CFAP44: variants seen among roughly 807,000 people sequenced by gnomAD.
CFAP44 encodes the protein cilia and flagella associated protein 44.
Under a neutral mutation model 216.2 loss-of-function variants are expected in CFAP44, and 134 were observed. The observed-to-expected ratio is 0.62, with a 90% CI of 0.54 to 0.72. The LOEUF is 0.72. Ranked by LOEUF, CFAP44 falls within the 30% of genes least tolerant of loss-of-function variation. The probability of loss-of-function intolerance (pLI) is 0.00; values close to 1 mark genes in which losing one functional copy is unlikely to be tolerated. For missense variants in CFAP44, 2,035 were observed against 2,182.1 expected (o/e 0.93, Z 1.34); for synonymous variants, 700 against 727.6 (o/e 0.96, Z 0.61).
Position 113,427,224 on chromosome 3 carries a change from C to G in CFAP44, c.216G>C (p.Leu72Phe), listed in dbSNP as rs760116186. 5.6e-6 allele frequency: 9 copies of G among 1,613,250 alleles called. No homozygotes were observed. In the African/African-American group the frequency reaches 1.1e-4, roughly 19 times the overall value. Residue 72 changes from leucine to phenylalanine, a missense_variant, in exon 3 of 35, where the codon TTG becomes TTC. Leu to Phe is a conservative substitution (Grantham distance 22). Around this residue, in one of 3 missense-constraint regions of CFAP44, gnomAD observed 149 missense variants for 141.8 expected, o/e 1.05. Transcript: ENST00000393845. ...DSDEERLEGS[L>F]SSFQYGDLQS... ...GCAAATCACCATACTGAAATGAACT[C>G]AAACTTCCTTCCAAACGTTCCTCAT...
intron 22 of CFAP44, among the ~76,000 whole-genome samples, chr3:113,349,491 C>T (rs1950421303): frequency 6.6e-6 from 1 of 152,120 alleles, no homozygotes; most frequent in African/African-American, 2.4e-5. Context: ...TTAGAGAGGA[C>T]AGAAAATGGA....
intron 6 of CFAP44, among the ~76,000 whole-genome samples, chr3:113,410,368 A>G (rs1934428540): frequency 6.6e-6 from 1 of 152,158 alleles, no homozygotes; most frequent in African/African-American, 2.4e-5. Context: ...CTCATTGGTC[A>G]ATTCCCACCT....
At chr3:113,366,431 A>G in intron 18 of CFAP44, 122 bp from the exon 19 acceptor site, 2 of 1,189,856 alleles carry the variant, frequency 1.7e-6, no homozygotes, top group South Asian at 3.2e-5. Flanking sequence ...GTACACCCCT[A>G]AAATTCCTAT....
At chr3:113,371,168 T>TA (rs1287003948) in intron 18 of CFAP44, among the ~76,000 whole-genome samples, 6 of 152,160 alleles carry the variant, frequency 3.9e-5, no homozygotes, top group Admixed American at 6.5e-5. Context: ...AGGTAATTCA[T>TA]AGATTCAATG....
At chr3:113,354,999 C>A (rs1461897423) in intron 22 of CFAP44, among the ~76,000 whole-genome samples, 1 of 152,186 alleles carries the variant, frequency 6.6e-6, no homozygotes, top group Non-Finnish European at 1.5e-5. Flanking sequence ...GAAGACGGAT[C>A]ACATCACAAG....
At chr3:113,295,446 C>T (rs1082588) in intron 33 of CFAP44, among the ~76,000 whole-genome samples, 104,903 of 152,186 alleles carry the variant, frequency 0.69, 37,199 homozygotes, top group Admixed American at 0.79. Flanking sequence ...CATATATTAT[C>T]GCCAACATTC....
chr3:113,394,104 C>T (rs1933924090), intron 15 of CFAP44, among the ~76,000 whole-genome samples: 6 of 152,008 alleles, frequency 3.9e-5, no homozygotes, highest in Admixed American at 3.9e-4. Flanking sequence ...TATCACATAC[C>T]CTTCACTCAG....
At chr3:113,409,907 A>G (rs1279891859) in intron 6 of CFAP44, among the ~76,000 whole-genome samples, 1 of 152,214 alleles carries the variant, frequency 6.6e-6, no homozygotes, top group African/African-American at 2.4e-5. Flanking sequence ...CACCAGCACC[A>G]TGACAGTTTA....
At position 113,294,683 on chromosome 3, in the gene CFAP44, A is replaced by G. The variant is rs1225985038; in HGVS notation, c.5373+4T>C. The G allele has an allele frequency of 2.0e-6, 3 of 1,523,578 alleles. No homozygotes were observed. Among genetic ancestry groups the G allele is most frequent in the African/African-American group, 1.4e-5 (1 of 72,126 alleles). The allele number at this position is 1,523,578 out of a possible 1,614,324, so 94.4% of individuals were successfully genotyped here. ...GAAAAAGGGTCTGAAGGTAAAGAAC[A>G]TACCTGCTGATTCTGTAGTGTATTC... On this transcript the variant is annotated splice_donor_region_variant and intron_variant, in intron 34 of 34. Transcript: ENST00000393845.
At position 113,344,504 on chromosome 3, in the gene CFAP44, G is replaced by A; in HGVS notation, c.3262+12C>T. 6.5e-7 allele frequency: 1 copy of A among 1,532,984 alleles called. No homozygotes were observed. Among genetic ancestry groups the A allele is most frequent in the Non-Finnish European group, 8.7e-7 (1 of 1,144,498 alleles). 95.0% of individuals were successfully genotyped at this position (1,532,984 alleles called of 1,614,324 possible). On this transcript the variant is annotated intron_variant, in intron 23 of 34. Transcript: ENST00000393845. ...TAAATAAGAATTTAAAAGCCTTCTT[G>A]TCATAGGCTACCTGCATCTCTCTGG...
intron 17 of CFAP44, among the ~76,000 whole-genome samples, 185 bp from the exon 18 acceptor site, chr3:113,373,741 A>G (rs1161020121): frequency 1.3e-5 from 2 of 152,188 alleles, no homozygotes; most frequent in East Asian, 3.8e-4. Flanking sequence ...CCATTTATAC[A>G]CAACTATATA....
intron 32 of CFAP44, 130 bp downstream of exon 32, chr3:113,303,786 G>T (rs1949960438): frequency 8.4e-6 from 8 of 948,382 alleles, no homozygotes; most frequent in Non-Finnish European, 1.2e-5. Context: ...AGATGTTGTG[G>T]TGTTCTTGTT....
At chr3:113,372,554 G>C (rs1357731615) in intron 18 of CFAP44, among the ~76,000 whole-genome samples, 1 of 152,122 alleles carries the variant, frequency 6.6e-6, no homozygotes. Flanking sequence ...ACAGGGTAGG[G>C]AACATCACAC....
At chr3:113,438,796 T>G (rs1935292416) in intron 1 of CFAP44, among the ~76,000 whole-genome samples, 1 of 152,182 alleles carries the variant, frequency 6.6e-6, no homozygotes, top group Non-Finnish European at 1.5e-5. Flanking sequence ...TTCAAATAAT[T>G]GTAGTTGGCT....
intron 32 of CFAP44, among the ~76,000 whole-genome samples, chr3:113,303,115 A>G (rs1440295082): frequency 6.6e-6 from 1 of 152,174 alleles, no homozygotes; most frequent in African/African-American, 2.4e-5. Flanking sequence ...GAGCCTGGGC[A>G]ATTCTCACAC....
intron 26 of CFAP44, among the ~76,000 whole-genome samples, chr3:113,329,167 C>T (rs1371290234): frequency 1.3e-5 from 2 of 152,216 alleles, no homozygotes; most frequent in African/African-American, 2.4e-5. Context: ...AATACTAATA[C>T]CCATGAAACA....
At chr3:113,380,421 T>A (rs556400960) in intron 16 of CFAP44, among the ~76,000 whole-genome samples, 1 of 152,244 alleles carries the variant, frequency 6.6e-6, no homozygotes, top group East Asian at 1.9e-4. Flanking sequence ...TTTTCACCTC[T>A]CAAAATTCCC....
At chr3:113,380,212 TCA>T (rs1236137132) in intron 16 of CFAP44, among the ~76,000 whole-genome samples, 2 of 152,114 alleles carry the variant, frequency 1.3e-5, no homozygotes, top group Non-Finnish European at 1.5e-5. Flanking sequence ...CCTCACAAAC[TCA>T]CAATGGATCC....
intron 18 of CFAP44, among the ~76,000 whole-genome samples, chr3:113,370,447 A>G (rs1933111801): frequency 6.6e-6 from 1 of 152,208 alleles, no homozygotes. Context: ...AATAAACGTA[A>G]TCCATCACAT....
Sources: gnomAD v4.1 joint callset for allele counts (sites outside exome capture counted in the v4.1 genomes callset) on GRCh38, gnomAD v4.1.1 for gene constraint, gnomAD v4.1.1 regional missense constraint, MANE v1.5 for transcripts, NCBI Gene and HGNC (gene_info 2026-07-23, HGNC 2026-07-21) for gene names.